Variants in NOBOX observed in about 807,000 individuals in gnomAD.
NOBOX encodes the protein NOBOX oogenesis homeobox.
Under a neutral mutation model 60.2 loss-of-function variants are expected in NOBOX, and 46 were observed. That is an observed-to-expected ratio of 0.76 (90% CI 0.60 to 0.98). The LOEUF is 0.98. Among genes scored for constraint, NOBOX ranks in the 50% least tolerant of loss-of-function variants. The pLI is 0.00. For synonymous variants in NOBOX, 360 were observed against 346.3 expected, an observed-to-expected ratio of 1.04 and a Z score of -0.44; for missense variants, 880 against 865.5, an observed-to-expected ratio of 1.02 and a Z score of -0.21.
chr7:144,397,833 C>T (rs1430952582), intron 9 of NOBOX, among the ~76,000 whole-genome samples: 1 of 152,188 alleles, frequency 6.6e-6, no homozygotes, highest in African/African-American at 2.4e-5. Flanking sequence ...CTTTCCTCCC[C>T]TTCTGCTAGA....
intron 2 of NOBOX, 130 bp from the exon 1 acceptor site, chr7:144,403,823 C>T (rs2053962754): frequency 2.6e-6 from 1 of 390,964 alleles, no homozygotes; most frequent in South Asian, 3.8e-5. Flanking sequence ...CGAGGCTGCG[C>T]CCCCTCACCC....
rs1338872579 is a variant in NOBOX at position 144,404,208 on chromosome 7, A to G, written c.210+348T>C. Among the ~76,000 whole-genome samples the G allele has an allele frequency of 5.9e-5, 9 of 152,282 alleles. No homozygotes were observed. The East Asian group carries it at 1.2e-3, about 20-fold the overall frequency. ...CCAACTCCCATGCTAGGGCCCCTCC[A>G]AGCCTCAGTATTAAGGAGCTTCAAA... is the stretch of plus-strand genomic sequence containing the variant. On this transcript the variant is annotated intron_variant, in intron 2 of 9. Transcript: ENST00000467773.
In NOBOX at chr7:144,400,216, TG is replaced by T; in HGVS notation, c.940del (p.Gln314SerfsTer5). 6.2e-7 allele frequency: 1 copy of T among 1,614,028 alleles called. No homozygotes were observed. The highest frequency in any genetic ancestry group is 1.3e-5 in the African/African-American group (1 of 75,070). On this transcript the variant is annotated frameshift_variant, in exon 5 of 10. Coordinates refer to ENST00000467773, the MANE Select transcript of NOBOX (RefSeq NM_001080413.3). LOFTEE classifies it high-confidence loss of function. Reference sequence around the variant, plus strand: ...GCCGGCCCCCTTTACCATGATGCGCTGGGGGGTCACCCCCACCGTCTGGGCA... The same window carrying T: ...GCCGGCCCCCTTTACCATGATGCGCTGGGGGTCACCCCCACCGTCTGGGCA...
chr7:144,401,367 G>C lies in NOBOX; in HGVS notation c.523C>G (p.Arg175Gly), dbSNP rs573084275. Residue 175 changes from arginine (R) to glycine (G), a missense_variant, in exon 4 of 10, where the codon CGC (arginine) becomes GGC (glycine). Coordinates refer to ENST00000467773, the MANE Select transcript of NOBOX (RefSeq NM_001080413.3). This position sits in a 1 kb window ranked among gnomAD's most constrained non-coding sequence, Gnocchi z 4.2. ...TCCCCCTGAGTCTGGGGCCTGGAGC[G>C]GGCTAGAGTTCTGTCTTTGTGGGGA... 5.6e-6 allele frequency: 9 copies of C among 1,613,674 alleles called. No homozygotes were observed. The Admixed American group carries it at 1.5e-4, about 27-fold the overall frequency.
Position 144,397,398 on chromosome 7 carries a change from G to A in NOBOX, c.1918C>T (p.Gln640Ter). ...ATCCATGAGAGAGCTGACGAAGGCT[G>A]CCTGCCCAGAGCCTGGGGGCAGGGA... The change falls in exon 10 of 10, where the codon CAG (glutamine) becomes TAG (stop). Residue 640 changes from glutamine to a stop codon, truncating the protein, a stop_gained. Coordinates refer to ENST00000467773, the MANE Select transcript of NOBOX (RefSeq NM_001080413.3). LOFTEE classifies it low-confidence loss of function (END_TRUNC). 6.5e-7 allele frequency: 1 copy of A among 1,537,272 alleles called. No homozygotes were observed. The highest frequency in any genetic ancestry group is 1.2e-5 in the South Asian group (1 of 84,062).
rs1251422412 is a variant in NOBOX, at chr7:144,399,050, G to A, written c.1369C>T (p.Leu457Phe). The change falls in exon 8 of 10, where the codon CTT (leucine) becomes TTT (phenylalanine). Residue 457 changes from leucine to phenylalanine, a missense_variant. Physicochemically the swap from Leu to Phe is conservative, Grantham distance 22. Transcript: ENST00000467773. ...AGTTGGGGGGTGTGGACAGGGCCAA[G>A]GGGGAAAGGAAGATCGGCCCTTCGC... 2 of 1,597,536 alleles carry A rather than the reference G, an allele frequency of 1.3e-6. No homozygotes were observed. Among genetic ancestry groups the A allele is most frequent in the Admixed American group, 1.7e-5 (1 of 58,974 alleles).
intron 2 of NOBOX, 62 bp from the exon 1 acceptor site, chr7:144,403,755 G>GCCGGGCGGGCAGGTGTGCAGC (rs2053961372): frequency 3.0e-6 from 2 of 660,014 alleles, no homozygotes; most frequent in Non-Finnish European, 5.5e-6. Context: ...ATGAAGCCTC[G>GCCGGGCGGGCAGGTGTGCAGC]CCGGGCGGGC....
chr7:144,407,388 A>C (rs563683301), intron 1 of NOBOX, among the ~76,000 whole-genome samples: 1 of 152,238 alleles, frequency 6.6e-6, no homozygotes, highest in Non-Finnish European at 1.5e-5. Context: ...AAGTTGTGAA[A>C]GACAGGCAGA....
At chr7:144,402,835 C>T (rs1252944896) in intron 2 of NOBOX, among the ~76,000 whole-genome samples, 1 of 145,306 alleles carries the variant, frequency 6.9e-6, no homozygotes, top group Non-Finnish European at 1.5e-5. Context: ...TGGCTCACTG[C>T]AACCTTGGCC....
intron 1 of NOBOX, among the ~76,000 whole-genome samples, chr7:144,405,791 A>T (rs2053981362): frequency 6.6e-6 from 1 of 152,160 alleles, no homozygotes; most frequent in South Asian, 2.1e-4. Flanking sequence ...GGGGGTTCCA[A>T]TCCCCAGAAA....
intron 1 of NOBOX, among the ~76,000 whole-genome samples, chr7:144,409,021 T>C (rs1208175): frequency 0.57 from 86,594 of 151,966 alleles, 25,111 homozygotes; most frequent in South Asian, 0.83. Context: ...ACGGGGAAAG[T>C]GTATATGGAA....
In NOBOX at chr7:144,400,088, G is replaced by A. The variant is rs772769646; in HGVS notation, c.1047+22C>T. On this transcript the variant is annotated intron_variant, in intron 5 of 9. Transcript: ENST00000467773. ...AACAGTCAGGGACACAGCCACGTCT[G>A]AGGCCTCAATTCAGCTCCTACCCAG... 19 of 1,606,190 alleles carry A rather than the reference G, an allele frequency of 1.2e-5. 1 individual carries two copies. Among genetic ancestry groups the A allele is most frequent in the East Asian group, 4.5e-5 (2 of 44,828 alleles).
chr7:144,407,113 G>A (rs545720177), intron 1 of NOBOX, among the ~76,000 whole-genome samples: 1 of 150,352 alleles, frequency 6.7e-6, no homozygotes, highest in Non-Finnish European at 1.5e-5. Context: ...TCACAGATAT[G>A]AGAATGCCAG....
Position 144,410,137 on chromosome 7 carries a change from G to A in NOBOX, c.85+6C>T. 2 of 1,550,640 alleles carry A rather than the reference G, an allele frequency of 1.3e-6. No individual in the cohort carries two copies. Among genetic ancestry groups the A allele is most frequent in the South Asian group, 2.4e-5 (2 of 84,218 alleles). On this transcript the variant is annotated splice_donor_region_variant and intron_variant, in intron 1 of 9. Coordinates refer to ENST00000467773, the MANE Select transcript of NOBOX (RefSeq NM_001080413.3). ...TTTTGCTGTTGCTTCCAGGACATGAGCTCACCCTCCTGGGCTTTGAAGCCA... is the reference window on the plus strand; with the variant it reads ...TTTTGCTGTTGCTTCCAGGACATGAACTCACCCTCCTGGGCTTTGAAGCCA...
rs1018472849 is a variant in NOBOX at position 144,403,627 on chromosome 7, C to G, written c.210+929G>C. ...CCTCCCCGAACCCCCAAAGCCTGAC[C>G]CCCTCGCACGACGGGGTCTCCACAC... On this transcript the variant is annotated intron_variant, in intron 2 of 9. Coordinates refer to ENST00000467773, the MANE Select transcript of NOBOX (RefSeq NM_001080413.3). 4.6e-5 allele frequency: 32 copies of G among 698,400 alleles called. No individual in the cohort carries two copies. In the African/African-American group the frequency reaches 5.5e-4, roughly 12 times the overall value. 43.3% of individuals were successfully genotyped at this position (698,400 alleles called of 1,614,324 possible).
intron 2 of NOBOX, among the ~76,000 whole-genome samples, 152 bp from the exon 1 acceptor site, chr7:144,403,845 C>A (rs928570521): frequency 1.3e-5 from 2 of 151,820 alleles, no homozygotes; most frequent in African/African-American, 4.8e-5. Context: ...CACCCCCACC[C>A]CCAGGGCGAG....
In NOBOX at chr7:144,398,937, G is replaced by T; in HGVS notation, c.1469+13C>A. The T allele has an allele frequency of 1.4e-6, 2 of 1,468,614 alleles. No homozygotes were observed. Among genetic ancestry groups the T allele is most frequent in the Non-Finnish European group, 1.9e-6 (2 of 1,070,660 alleles). The allele number at this position is 1,468,614 out of a possible 1,614,324, so 91.0% of individuals were successfully genotyped here. On this transcript the variant is annotated intron_variant, in intron 8 of 9. Transcript: ENST00000467773. ...CAGATAACTAGAGTGACCTACCCCC[G>T]TAGGTTCCTTACCTTGTCCCCCAGG...
intron 2 of NOBOX, among the ~76,000 whole-genome samples, chr7:144,402,939 T>G (rs2053953222): frequency 6.6e-6 from 1 of 151,966 alleles, no homozygotes; most frequent in African/African-American, 2.4e-5. Flanking sequence ...GTATTTTTAG[T>G]AGAGATGGGG....
At chr7:144,404,122 C>T (rs886349139) in intron 2 of NOBOX, among the ~76,000 whole-genome samples, 52 of 152,192 alleles carry the variant, frequency 3.4e-4, no homozygotes, top group African/African-American at 1.1e-3. Flanking sequence ...TAAAGCCCTT[C>T]CCTGTGGACT....
Sources: gnomAD v4.1 joint callset for allele counts (sites outside exome capture counted in the v4.1 genomes callset) on GRCh38, gnomAD v4.1.1 for gene constraint, Gnocchi (gnomAD v3.1) non-coding constraint, MANE v1.5 for transcripts, NCBI Gene and HGNC (gene_info 2026-07-23, HGNC 2026-07-21) for gene names.